The following ANKRD31 variants were observed in gnomAD, a reference collection of about 807,000 sequenced individuals.
ANKRD31 encodes the protein ankyrin repeat domain-containing protein 31.
ANKRD31 carries 147 observed loss-of-function variants against 186.0 expected under a neutral mutation model. The observed-to-expected ratio is 0.79, with a 90% CI of 0.69 to 0.91. ANKRD31 has a LOEUF of 0.91. Among genes scored for constraint, ANKRD31 ranks in the 40% least tolerant of loss-of-function variants. The pLI, the probability that ANKRD31 is intolerant of heterozygous loss-of-function variation, is 0.00. For synonymous variants in ANKRD31, 673 were observed against 736.4 expected (o/e 0.91, Z 1.39); for missense variants, 1,986 against 2,148.8 (o/e 0.92, Z 1.50).
chr5:75,151,899 C>T (rs958053858), intron 12 of ANKRD31, among the ~76,000 whole-genome samples: 2 of 152,006 alleles, frequency 1.3e-5, no homozygotes, highest in African/African-American at 2.4e-5. Context: ...TAATTGCTGG[C>T]TATCCCTGTT....
intron 11 of ANKRD31, among the ~76,000 whole-genome samples, chr5:75,167,960 T>C (rs1369393667): frequency 2.0e-5 from 3 of 152,144 alleles, no homozygotes; most frequent in Non-Finnish European, 4.4e-5. Flanking sequence ...GGATTCACAC[T>C]GTCACATGTC....
At chr5:75,191,104 G>A (rs1335147424) in intron 9 of ANKRD31, among the ~76,000 whole-genome samples, 1 of 151,958 alleles carries the variant, frequency 6.6e-6, no homozygotes, top group Non-Finnish European at 1.5e-5. Context: ...CCACACCAAG[G>A]TTACAGAAAG....
In ANKRD31 at chr5:75,105,098, T is replaced by C; in HGVS notation, c.4461A>G (p.Gln1487=). The C allele has an allele frequency of 6.5e-7, 1 of 1,537,140 alleles. No individual in the cohort carries two copies. The highest frequency in any genetic ancestry group is 8.7e-7 in the Non-Finnish European group (1 of 1,146,856). The stretch of plus-strand genomic sequence containing the variant: ...GCAATGATGTAACATTCCTACAGTT[T>C]TGAATTTTCAGGCTTATTTTTTTCT... ...KKQKKISLKI[Q]NCRNVTSLPC... is the part of the protein sequence containing the mutation. Residue 1487 remains glutamine, a synonymous_variant, in exon 22 of 26, where the codon CAA becomes CAG. Coordinates refer to ENST00000506364, the MANE Select transcript of ANKRD31 (RefSeq NM_001372053.1).
At chr5:75,102,525 C>A (rs988158867) in intron 22 of ANKRD31, among the ~76,000 whole-genome samples, 1 of 152,246 alleles carries the variant, frequency 6.6e-6, no homozygotes, top group Non-Finnish European at 1.5e-5. Flanking sequence ...GCCCTGCCCC[C>A]AGAGGTGGAG....
chr5:75,151,676 A>T (rs1351229934), intron 12 of ANKRD31, among the ~76,000 whole-genome samples: 1 of 152,028 alleles, frequency 6.6e-6, no homozygotes, highest in Non-Finnish European at 1.5e-5. Context: ...TAATACAGAG[A>T]TGTACTTTAA....
Position 75,121,556 on chromosome 5 carries a change from G to GC in ANKRD31, c.3877-3260dup, listed in dbSNP as rs571040335. ...TTCTCCCAAATAGACCATATGTTAGGCCACAAAACTAGCCTCAATAAAAAT... is the reference window on the plus strand; with the variant it reads ...TTCTCCCAAATAGACCATATGTTAGGCCCACAAAACTAGCCTCAATAAAAAT... On this transcript the variant is annotated intron_variant, in intron 17 of 25. Transcript: ENST00000506364. Among the ~76,000 whole-genome samples the GC allele has an allele frequency of 2.3e-3, 344 of 152,012 alleles. 1 individual carries two copies. Among genetic ancestry groups the GC allele is most frequent in the African/African-American group, 7.2e-3 (300 of 41,454 alleles).
intron 22 of ANKRD31, 114 bp downstream of exon 22, chr5:75,104,114 C>T: frequency 1.1e-6 from 1 of 891,246 alleles, no homozygotes; most frequent in Non-Finnish European, 1.6e-6. Context: ...ATTCAGGAAG[C>T]TCAGCAAAAC....
intron 22 of ANKRD31, among the ~76,000 whole-genome samples, chr5:75,096,294 G>T (rs185740104): frequency 0.014 from 2,103 of 152,176 alleles, 16 homozygotes; most frequent in Non-Finnish European, 0.021. Flanking sequence ...TGGTGTGTTT[G>T]TTGGCCACAT....
chr5:75,204,818 T>A (rs1756049674), intron 5 of ANKRD31, among the ~76,000 whole-genome samples: 1 of 152,240 alleles, frequency 6.6e-6, no homozygotes, highest in African/African-American at 2.4e-5. Flanking sequence ...AAATATCCTA[T>A]GTTTTATAAA....
At chr5:75,108,244 A>G (rs1046160169) in intron 20 of ANKRD31, among the ~76,000 whole-genome samples, 4 of 152,052 alleles carry the variant, frequency 2.6e-5, no homozygotes, top group Non-Finnish European at 4.4e-5. Context: ...TCATGCTATC[A>G]GTTCTTGTTC....
At chr5:75,114,569 T>C (rs1473561965) in intron 19 of ANKRD31, among the ~76,000 whole-genome samples, 5 of 152,044 alleles carry the variant, frequency 3.3e-5, no homozygotes, top group East Asian at 3.9e-4. Context: ...TTTCTAGATA[T>C]ACAATCAACG....
chr5:75,230,280 G>T (rs1241454095), intron 2 of ANKRD31, among the ~76,000 whole-genome samples: 10 of 152,136 alleles, frequency 6.6e-5, no homozygotes, highest in Non-Finnish European at 1.5e-5. Flanking sequence ...TATGTTACTT[G>T]TTTGTATTAA....
intron 17 of ANKRD31, among the ~76,000 whole-genome samples, chr5:75,131,853 A>G (rs879419603): frequency 1.2e-4 from 18 of 152,320 alleles, no homozygotes; most frequent in Admixed American, 3.3e-4. Flanking sequence ...CCGTTCTCCA[A>G]TATTGGCTGT....
chr5:75,231,797 C>G (rs1757966016), intron 1 of ANKRD31, among the ~76,000 whole-genome samples: 1 of 152,086 alleles, frequency 6.6e-6, no homozygotes, highest in Non-Finnish European at 1.5e-5. Context: ...ATCCCAGCTA[C>G]TCAGGAGGCT....
At position 75,140,234 on chromosome 5, in the gene ANKRD31, AGAAGGAAG is replaced by A. The variant is rs146909283; in HGVS notation, c.3596-1259_3596-1252del. On this transcript the variant is annotated intron_variant, in intron 15 of 25. Coordinates refer to ENST00000506364, the MANE Select transcript of ANKRD31 (RefSeq NM_001372053.1). ...AAAGAAAAGAAAAGAAAAGAAAGAA[AGAAGGAAG>A]GAAGGAAGGAAGGAAGGAAGGAAGG... Among the ~76,000 whole-genome samples, 743 of 101,750 alleles carry A rather than the reference AGAAGGAAG, an allele frequency of 7.3e-3. 10 individuals are homozygous for A. Among genetic ancestry groups the A allele is most frequent in the East Asian group, 0.072 (289 of 4,008 alleles). 66.8% of individuals were successfully genotyped at this position (101,750 alleles called of 152,430 possible).
At chr5:75,142,684 G>T (rs1329626789) in intron 15 of ANKRD31, among the ~76,000 whole-genome samples, 1 of 152,016 alleles carries the variant, frequency 6.6e-6, no homozygotes, top group Non-Finnish European at 1.5e-5. Flanking sequence ...AATCCTAATT[G>T]GAAATCTGTG....
intron 12 of ANKRD31, 52 bp downstream of exon 12, chr5:75,154,149 C>G: frequency 7.6e-7 from 1 of 1,322,016 alleles, no homozygotes; most frequent in Non-Finnish European, 9.7e-7. Context: ...AATTAAATTT[C>G]TGTAACTTCA....
At position 75,151,578 on chromosome 5, in the gene ANKRD31, A is replaced by T. The variant is rs188187654; in HGVS notation, c.1852+2623T>A. ...ATTGTAAGTTTCCTTAGGCCTCCCT[A>T]GTCCTGCAGAACTGTGAGTCAATTA... On this transcript the variant is annotated intron_variant, in intron 12 of 25. Coordinates refer to ENST00000506364, the MANE Select transcript of ANKRD31 (RefSeq NM_001372053.1). 1.5e-3 allele frequency among the ~76,000 whole-genome samples: 233 copies of T among 152,174 alleles called. 1 individual carries two copies. The highest frequency in any genetic ancestry group is 5.4e-3 in the African/African-American group (224 of 41,554).
At chr5:75,105,634 T>G (rs1316900246) in intron 21 of ANKRD31, among the ~76,000 whole-genome samples, 1 of 152,182 alleles carries the variant, frequency 6.6e-6, no homozygotes, top group Non-Finnish European at 1.5e-5. Flanking sequence ...ATTTGGGGCT[T>G]GCTTACCTGT....
Sources: gnomAD v4.1 joint callset for allele counts (sites outside exome capture counted in the v4.1 genomes callset) on GRCh38, gnomAD v4.1.1 for gene constraint, MANE v1.5 for transcripts, NCBI Gene and HGNC (gene_info 2026-07-23, HGNC 2026-07-21) for gene names.